FAM177A1: variants seen among roughly 807,000 people sequenced by gnomAD.
FAM177A1 encodes the protein protein FAM177A1.
Under a neutral mutation model 26.1 loss-of-function variants are expected in FAM177A1, and 22 were observed. The ratio of observed to expected loss-of-function variants is 0.84; its 90% CI spans 0.60 to 1.20. FAM177A1 has a LOEUF of 1.20. Among genes scored for constraint, FAM177A1 ranks in the 50% most tolerant of loss-of-function variants. The pLI, the probability that FAM177A1 is intolerant of heterozygous loss-of-function variation, is 0.00. For missense variants in FAM177A1, 296 were observed against 291.1 expected, an observed-to-expected ratio of 1.02 and a Z score of -0.12; for synonymous variants, 95 against 99.3, an observed-to-expected ratio of 0.96 and a Z score of 0.26.
In FAM177A1 at chr14:35,082,530, T is replaced by G. The variant is rs1016536203; in HGVS notation, c.*1302T>G. 2 of 149,670 alleles carry G rather than the reference T, an allele frequency of 1.3e-5. No individual in the cohort carries two copies. Among genetic ancestry groups the G allele is most frequent in the Non-Finnish European group, 3.0e-5 (2 of 67,514 alleles). The allele number at this position is 149,670 out of a possible 1,614,324, so 9.3% of individuals were successfully genotyped here. Reference sequence around the variant, plus strand: ...TCCATCTTGGGGGGAAAAAAGTATATATATATACACACACACAGACACACA... The same window carrying G: ...TCCATCTTGGGGGGAAAAAAGTATAGATATATACACACACACAGACACACA... On this transcript the variant is annotated 3_prime_UTR_variant, in exon 5 of 5. Transcript: ENST00000280987.
intron 1 of FAM177A1, 144 bp from the exon 2 acceptor site, chr14:35,053,134 G>C: frequency 1.5e-6 from 1 of 676,858 alleles, no homozygotes; most frequent in Non-Finnish European, 2.5e-6. Context: ...CTGAGCAATA[G>C]AGTGAGACCA....
At chr14:35,047,822 C>A (rs1179088680) in intron 1 of FAM177A1, among the ~76,000 whole-genome samples, 1 of 152,146 alleles carries the variant, frequency 6.6e-6, no homozygotes, top group Non-Finnish European at 1.5e-5. Context: ...TGTAACTCTT[C>A]CCATCCTCCA....
At chr14:35,071,172 A>AT (rs1017113596) in intron 2 of FAM177A1, among the ~76,000 whole-genome samples, 28 of 148,786 alleles carry the variant, frequency 1.9e-4, no homozygotes, top group East Asian at 9.9e-4. Flanking sequence ...GATTTTTTGT[A>AT]TTTTTTTTTA....
In FAM177A1 at chr14:35,082,551, A is replaced by G. The variant is rs559058901; in HGVS notation, c.*1323A>G. The G allele has an allele frequency of 3.4e-5, 5 of 146,194 alleles. No individual in the cohort carries two copies. In the East Asian group the frequency reaches 9.7e-4, roughly 28 times the overall value. The allele number at this position is 146,194 out of a possible 1,614,324, so 9.1% of individuals were successfully genotyped here. A position where few individuals can be genotyped will look rare whatever the true frequency, so the allele number is the denominator to read the frequency against. On this transcript the variant is annotated 3_prime_UTR_variant, in exon 5 of 5. Coordinates refer to ENST00000280987, the MANE Select transcript of FAM177A1 (RefSeq NM_173607.5). ...TATATATATATACACACACACAGAC[A>G]CACACACACACACATATATCTCTAA...
At chr14:35,069,327 C>G (rs1323634545) in intron 2 of FAM177A1, among the ~76,000 whole-genome samples, 1 of 149,996 alleles carries the variant, frequency 6.7e-6, no homozygotes, top group Non-Finnish European at 1.5e-5. Flanking sequence ...CTCTTATTGC[C>G]GAGGCTGGAG....
intron 2 of FAM177A1, among the ~76,000 whole-genome samples, chr14:35,074,771 G>C (rs1184388870): frequency 1.3e-5 from 2 of 151,836 alleles, no homozygotes; most frequent in Non-Finnish European, 2.9e-5. Context: ...CCCAGATGCA[G>C]TGGCTTACCC....
chr14:35,045,846 T>G (rs1412321754), upstream of FAM177A1: 1 of 152,218 alleles, frequency 6.6e-6, no homozygotes, highest in Non-Finnish European at 1.5e-5. Flanking sequence ...CTTAACACTT[T>G]CTACAGTTAT....
intron 3 of FAM177A1, among the ~76,000 whole-genome samples, chr14:35,077,468 CTTTTTTTTTTTTTT>C (rs150813883): frequency 1.3e-5 from 1 of 79,530 alleles, no homozygotes; most frequent in South Asian, 4.8e-4. Flanking sequence ...TTTTCAAGTT[CTTTTTTTTTTTTTT>C]TTTTTTTTTT....
At chr14:35,069,628 C>T (rs997062913) in intron 2 of FAM177A1, among the ~76,000 whole-genome samples, 3 of 152,118 alleles carry the variant, frequency 2.0e-5, no homozygotes, top group Non-Finnish European at 4.4e-5. Flanking sequence ...CCTGGCTTCA[C>T]TTAATGTTAA....
chr14:35,079,298 A>T (rs1355985776), intron 4 of FAM177A1, among the ~76,000 whole-genome samples: 2 of 152,350 alleles, frequency 1.3e-5, no homozygotes, highest in South Asian at 4.1e-4. Context: ...TAATCTTCAC[A>T]TGCCTCTCTT....
rs938420965 is a variant in FAM177A1 at position 35,070,237 on chromosome 14, G to A, written c.340-6913G>A. Among the ~76,000 whole-genome samples the A allele has an allele frequency of 1.1e-3, 163 of 151,022 alleles. 1 individual carries two copies. The highest frequency in any genetic ancestry group is 3.6e-3 in the African/African-American group (149 of 41,110). On this transcript the variant is annotated intron_variant, in intron 2 of 4. Coordinates refer to ENST00000280987, the MANE Select transcript of FAM177A1 (RefSeq NM_173607.5). ...GTACCTTAAGGTACATGTTGGCCAG[G>A]ATGATCTCGATCTCCTGACCTCGTG...
intron 2 of FAM177A1, among the ~76,000 whole-genome samples, chr14:35,053,931 T>G (rs2045019079): frequency 6.6e-6 from 1 of 152,076 alleles, no homozygotes; most frequent in African/African-American, 2.4e-5. Flanking sequence ...AGGTGGAGGT[T>G]GCGGTGAACC....
intron 4 of FAM177A1, among the ~76,000 whole-genome samples, 177 bp downstream of exon 4, chr14:35,079,201 A>C (rs2045442746): frequency 6.6e-6 from 1 of 152,158 alleles, no homozygotes; most frequent in African/African-American, 2.4e-5. Flanking sequence ...GAATTCCTTT[A>C]AACTGGAATT....
chr14:35,065,880 C>T (rs2045233835), intron 2 of FAM177A1, among the ~76,000 whole-genome samples: 1 of 151,618 alleles, frequency 6.6e-6, no homozygotes, highest in South Asian at 2.1e-4. Context: ...TTAGTAGAGA[C>T]AGGATTTCAC....
chr14:35,073,762 A>G (rs1343317567), intron 2 of FAM177A1, among the ~76,000 whole-genome samples: 2 of 152,052 alleles, frequency 1.3e-5, no homozygotes, highest in Non-Finnish European at 1.5e-5. Flanking sequence ...CTAATCATAA[A>G]CCGGACTGCA....
At chr14:35,056,820 A>G (rs2045068911) in intron 2 of FAM177A1, among the ~76,000 whole-genome samples, 1 of 152,002 alleles carries the variant, frequency 6.6e-6, no homozygotes. Context: ...CTTTCTAGGA[A>G]TTTGTCCATT....
At chr14:35,053,618 G>A (rs187781564) in intron 2 of FAM177A1, among the ~76,000 whole-genome samples, 167 bp downstream of exon 2, 1 of 152,090 alleles carries the variant, frequency 6.6e-6, no homozygotes, top group Non-Finnish European at 1.5e-5. Context: ...ACATGATATG[G>A]ACGGAAATAT....
intron 2 of FAM177A1, among the ~76,000 whole-genome samples, chr14:35,070,781 G>T (rs1430248241): frequency 1.3e-5 from 2 of 152,132 alleles, no homozygotes; most frequent in East Asian, 3.9e-4. Flanking sequence ...AGCAGATTAA[G>T]TAAATAGGCT....
rs2044859906 is a variant in FAM177A1, at chr14:35,046,301, G to C, written c.-163G>C. ...TGCAGTTGGCCAGCTCTCGGGGTGC[G>C]GAGCCCGGCGGGCTAGGCGAGGCGC... On this transcript the variant is annotated 5_prime_UTR_variant, in exon 1 of 5. Coordinates refer to ENST00000280987, the MANE Select transcript of FAM177A1 (RefSeq NM_173607.5). 1 of 789,434 alleles carries C rather than the reference G, an allele frequency of 1.3e-6. No homozygotes were observed. The highest frequency in any genetic ancestry group is 1.8e-5 in the African/African-American group (1 of 54,580). 48.9% of individuals were successfully genotyped at this position (789,434 alleles called of 1,614,324 possible). A position where few individuals can be genotyped will look rare whatever the true frequency, so the allele number is the denominator to read the frequency against.
Sources: allele counts gnomAD v4.1 joint callset (sites outside exome capture counted in the v4.1 genomes callset), GRCh38; gene constraint gnomAD v4.1.1; transcripts MANE v1.5; gene names NCBI Gene and HGNC (gene_info 2026-07-23, HGNC 2026-07-21).